RAPGEF2: variants seen among roughly 807,000 people sequenced by gnomAD.
RAPGEF2 encodes the protein PDZ domain containing guanine nucleotide exchange factor (GEF) 1.
Under a neutral mutation model 186.7 loss-of-function variants are expected in RAPGEF2, and 54 were observed. That is an observed-to-expected ratio of 0.29 (90% confidence interval 0.23 to 0.36). RAPGEF2 has a LOEUF of 0.36. RAPGEF2 is among the 10% of genes least tolerant of loss of function. RAPGEF2 has a pLI of 1.00. For missense variants in RAPGEF2, 1,532 were observed against 2,045.0 expected, an observed-to-expected ratio of 0.75 and a Z score of 4.84; for synonymous variants, 712 against 705.9, an observed-to-expected ratio of 1.01 and a Z score of -0.14.
chr4:159,333,443 A>G (rs953863460), intron 17 of RAPGEF2, among the ~76,000 whole-genome samples: 5 of 152,166 alleles, frequency 3.3e-5, no homozygotes, highest in African/African-American at 7.2e-5. Context: ...ATTCATCCCT[A>G]TCATTCTCTG....
In RAPGEF2 at chr4:159,277,966, A is replaced by G. The variant is rs186607791; in HGVS notation, c.544-26376A>G. On this transcript the variant is annotated intron_variant, in intron 7 of 29. Transcript: ENST00000691494. Reference sequence around the variant, plus strand: ...TTGTTTAATTAGATCCCATTTGTCAATTTTTGCTTTTGTTGCCATTGCTTT... The same window carrying G: ...TTGTTTAATTAGATCCCATTTGTCAGTTTTTGCTTTTGTTGCCATTGCTTT... 9.9e-5 allele frequency among the ~76,000 whole-genome samples: 15 copies of G among 152,098 alleles called. No individual in the cohort carries two copies. In the South Asian group the frequency reaches 1.2e-3, roughly 13 times the overall value.
chr4:159,110,501 C>T (rs948006318), intron 1 of RAPGEF2, among the ~76,000 whole-genome samples: 2 of 152,128 alleles, frequency 1.3e-5, no homozygotes, highest in Non-Finnish European at 2.9e-5. Flanking sequence ...TCACTTGAAC[C>T]CTGGAGGCAG....
intron 1 of RAPGEF2, among the ~76,000 whole-genome samples, chr4:159,176,163 G>A (rs1320178202): frequency 6.6e-6 from 1 of 152,148 alleles, no homozygotes; most frequent in Non-Finnish European, 1.5e-5. Context: ...GTGTTAGGCT[G>A]TACCCAAAGA....
intron 7 of RAPGEF2, among the ~76,000 whole-genome samples, chr4:159,273,896 A>G (rs534765733): frequency 2.6e-5 from 4 of 152,168 alleles, no homozygotes; most frequent in Admixed American, 2.6e-4. Context: ...GGGTTCAAGC[A>G]GTCTTCCCCC....
chr4:159,338,540 A>G (rs2111246252), intron 18 of RAPGEF2, 72 bp downstream of exon 18: 4 of 1,383,336 alleles, frequency 2.9e-6, no homozygotes, highest in African/African-American at 2.9e-5. Context: ...GTCATATTAT[A>G]TGTATCTCTC....
At chr4:159,296,410 C>A (rs1030235550) in intron 7 of RAPGEF2, among the ~76,000 whole-genome samples, 1 of 152,174 alleles carries the variant, frequency 6.6e-6, no homozygotes, top group Non-Finnish European at 1.5e-5. Flanking sequence ...GTAATTTGAT[C>A]TAAATAGCCA....
chr4:159,344,733 T>C (rs987179142), intron 23 of RAPGEF2, among the ~76,000 whole-genome samples: 1 of 152,182 alleles, frequency 6.6e-6, no homozygotes, highest in Non-Finnish European at 1.5e-5. Context: ...ATATCCTCTT[T>C]AGGAGAAGTA....
At chr4:159,192,377 T>G (rs1222670142) in intron 2 of RAPGEF2, among the ~76,000 whole-genome samples, 2 of 152,196 alleles carry the variant, frequency 1.3e-5, no homozygotes, top group Non-Finnish European at 2.9e-5. Flanking sequence ...TGTGGGGTGA[T>G]TCTAGTGTTT....
At chr4:159,231,037 T>C (rs140493474) in intron 4 of RAPGEF2, among the ~76,000 whole-genome samples, 35 of 152,306 alleles carry the variant, frequency 2.3e-4, no homozygotes, top group African/African-American at 7.5e-4. Context: ...TTTTAATCAG[T>C]AATGGACCAC....
At chr4:159,326,700 A>G (rs547011966) in intron 11 of RAPGEF2, 1 of 152,294 alleles carries the variant, frequency 6.6e-6, no homozygotes, top group South Asian at 2.1e-4. Context: ...TACACACCCT[A>G]TGATACCAGG....
chr4:159,198,737 C>T (rs1020184962), intron 3 of RAPGEF2, among the ~76,000 whole-genome samples: 3 of 151,996 alleles, frequency 2.0e-5, no homozygotes, highest in African/African-American at 2.4e-5. Flanking sequence ...TGAGCCACTG[C>T]GCCTGGCCTC....
intron 7 of RAPGEF2, among the ~76,000 whole-genome samples, chr4:159,273,105 C>T (rs1434694265): frequency 6.6e-6 from 1 of 152,164 alleles, no homozygotes; most frequent in African/African-American, 2.4e-5. Flanking sequence ...GGTAAGACTC[C>T]ACCTCTTCAT....
intron 7 of RAPGEF2, among the ~76,000 whole-genome samples, chr4:159,269,828 T>C (rs1301082189): frequency 1.3e-5 from 2 of 152,144 alleles, no homozygotes; most frequent in East Asian, 3.9e-4. Context: ...GGCAACATAG[T>C]GAAATCCATC....
intron 9 of RAPGEF2, among the ~76,000 whole-genome samples, chr4:159,315,416 C>T (rs1764452841): frequency 6.6e-6 from 1 of 151,920 alleles, no homozygotes; most frequent in Non-Finnish European, 1.5e-5. Context: ...GGTTTTAAGC[C>T]TAGTACCCTG....
At chr4:159,250,974 C>T (rs1052594514) in intron 7 of RAPGEF2, among the ~76,000 whole-genome samples, 20 of 152,202 alleles carry the variant, frequency 1.3e-4, no homozygotes, top group South Asian at 4.1e-4. Context: ...TGGGCCAGCA[C>T]GAGTTCCCAG....
chr4:159,118,836 C>G (rs35426922), intron 1 of RAPGEF2, among the ~76,000 whole-genome samples: 6,397 of 152,218 alleles, frequency 0.042, 476 homozygotes, highest in African/African-American at 0.14. Context: ...CCACCCACCT[C>G]GGCCTCCCAA....
At chr4:159,343,960 C>T in intron 22 of RAPGEF2, 76 bp from the exon 23 acceptor site, 1 of 1,465,458 alleles carries the variant, frequency 6.8e-7, no homozygotes, top group South Asian at 1.1e-5. Context: ...AAGTCTAGTC[C>T]TTTCTTTCTG....
chr4:159,267,724 C>T, intron 7 of RAPGEF2: 1 of 1,010,604 alleles, frequency 9.9e-7, no homozygotes, highest in Non-Finnish European at 1.2e-6. Context: ...ACCACCCTGA[C>T]TAATATAATT....
At chr4:159,266,756 C>A (rs1480246674) in intron 7 of RAPGEF2, 1 of 158,686 alleles carries the variant, frequency 6.3e-6, no homozygotes, top group Admixed American at 5.9e-5. Context: ...TATAGCACAG[C>A]AATATTTGAG....
Sources: gnomAD v4.1 joint callset for allele counts (sites outside exome capture counted in the v4.1 genomes callset) on GRCh38, gnomAD v4.1.1 for gene constraint, MANE v1.5 for transcripts, NCBI Gene and HGNC (gene_info 2026-07-23, HGNC 2026-07-21) for gene names.